The following ASPH variants were observed in gnomAD, a reference collection of about 807,000 sequenced individuals.
ASPH encodes the protein aspartate beta-hydroxylase, also known as aspartyl/asparaginyl beta-hydroxylase.
Under a neutral mutation model 118.4 loss-of-function variants are expected in ASPH, and 100 were observed. That is an observed-to-expected ratio of 0.84 (90% confidence interval 0.72 to 1.00). The LOEUF (loss-of-function observed/expected upper bound fraction) is 1.00, where lower values mean the gene tolerates loss of function less well. ASPH is among the 50% of genes least tolerant of loss of function. The pLI, the probability that ASPH is intolerant of heterozygous loss-of-function variation, is 0.00. For missense variants in ASPH, 920 were observed against 919.5 expected (o/e 1.00, Z -0.01); for synonymous variants, 315 against 325.6 (o/e 0.97, Z 0.35).
chr8:61,576,803 T>G lies in ASPH; in HGVS notation c.1118A>C (p.Gln373Pro). Residue 373 changes from glutamine to proline, a missense_variant, in exon 16 of 25, where the codon CAG becomes CCG. Gln to Pro is a moderately conservative substitution (Grantham distance 76, BLOSUM62 -1). Transcript: ENST00000379454. ...CTTCCCATATCTTGCTCGTGGACTC[T>G]GAGGGTATTTGCGTACTAGTTCTTT... The part of the protein sequence containing the change: ...AFKELVRKYP[Q>P]SPRARYGKAQ... The G allele has an allele frequency of 6.2e-7, 1 of 1,610,130 alleles. No homozygotes were observed. The highest frequency in any genetic ancestry group is 1.7e-5 in the Admixed American group (1 of 59,986).
At chr8:61,655,691 CTTAT>C (rs1006503679) in intron 3 of ASPH, among the ~76,000 whole-genome samples, 2 of 152,170 alleles carry the variant, frequency 1.3e-5, no homozygotes, top group African/African-American at 4.8e-5. Context: ...CCAACTTGAA[CTTAT>C]TTGTCTCTAA....
At chr8:61,560,203 G>C (rs1829321033) in intron 18 of ASPH, among the ~76,000 whole-genome samples, 1 of 152,142 alleles carries the variant, frequency 6.6e-6, no homozygotes, top group Non-Finnish European at 1.5e-5. Flanking sequence ...GCAGTGGCGG[G>C]TGAGTCAGGA....
chr8:61,626,081 T>G, intron 13 of ASPH: 1 of 1,244,664 alleles, frequency 8.0e-7, no homozygotes, highest in Non-Finnish European at 1.0e-6. Context: ...TTTAGAAATG[T>G]GTGTTTCTAA....
intron 21 of ASPH, among the ~76,000 whole-genome samples, chr8:61,546,770 G>T (rs1214105429): frequency 6.6e-6 from 1 of 152,164 alleles, no homozygotes; most frequent in Non-Finnish European, 1.5e-5. Context: ...AATCAGTGAA[G>T]TCTTGTAAGT....
chr8:61,577,159 C>T (rs1412093023), intron 15 of ASPH, among the ~76,000 whole-genome samples: 2 of 151,796 alleles, frequency 1.3e-5, no homozygotes, highest in South Asian at 2.1e-4. Flanking sequence ...GGGAACATCA[C>T]ACACCAGGGC....
At chr8:61,706,739 G>A (rs1394990299) in intron 1 of ASPH, among the ~76,000 whole-genome samples, 1 of 152,226 alleles carries the variant, frequency 6.6e-6, no homozygotes, top group Non-Finnish European at 1.5e-5. Context: ...AGAAGGACAT[G>A]CCCTATCAGA....
chr8:61,663,581 G>C (rs1818004186), intron 3 of ASPH: 1 of 985,246 alleles, frequency 1.0e-6, no homozygotes. Context: ...TTAGTGCCCT[G>C]TATCTGCCAA....
In ASPH at chr8:61,617,547, T is replaced by C. The variant is rs551141402; in HGVS notation, c.976+1431A>G. Among the ~76,000 whole-genome samples, 6 of 152,290 alleles carry C rather than the reference T, an allele frequency of 3.9e-5. No homozygotes were observed. In the South Asian group the frequency reaches 8.3e-4, roughly 21 times the overall value. On this transcript the variant is annotated intron_variant, in intron 14 of 24. Coordinates refer to ENST00000379454, the MANE Select transcript of ASPH (RefSeq NM_004318.4). The stretch of plus-strand genomic sequence containing the variant: ...TGATCGAGCTAATCTCACCGATCTA[T>C]AAAACAGAGTCAGCCAACGGTTTCT...
At chr8:61,616,266 G>A (rs1240993555) in intron 14 of ASPH, among the ~76,000 whole-genome samples, 2 of 152,124 alleles carry the variant, frequency 1.3e-5, no homozygotes, top group East Asian at 1.9e-4. Context: ...CCTGTGCACC[G>A]AGGATACCCG....
intron 13 of ASPH, chr8:61,625,569 A>C (rs1371525617): frequency 7.9e-5 from 78 of 984,726 alleles, no homozygotes; most frequent in Non-Finnish European, 9.3e-5. Context: ...CTTGTGTCTT[A>C]ACAAGGAATT....
chr8:61,579,231 G>C, intron 15 of ASPH: 3 of 1,613,822 alleles, frequency 1.9e-6, no homozygotes, highest in Non-Finnish European at 2.5e-6. Flanking sequence ...CATTGCAGAT[G>C]CCGAGCAGCG....
At chr8:61,701,362 T>C (rs1835200695) in intron 1 of ASPH, among the ~76,000 whole-genome samples, 2 of 152,230 alleles carry the variant, frequency 1.3e-5, no homozygotes, top group African/African-American at 4.8e-5. Flanking sequence ...TCTTACTCAA[T>C]GTTACTCTAT....
chr8:61,551,669 C>CTGGA (rs1469973111), intron 20 of ASPH, among the ~76,000 whole-genome samples: 7 of 152,256 alleles, frequency 4.6e-5, no homozygotes, highest in African/African-American at 1.4e-4. Context: ...TGTCTTTGCC[C>CTGGA]TGGACTCTGA....
chr8:61,649,707 C>T (rs1809922125), intron 5 of ASPH, among the ~76,000 whole-genome samples: 1 of 151,792 alleles, frequency 6.6e-6, no homozygotes, highest in South Asian at 2.1e-4. Context: ...CCATCCCCTC[C>T]TTTGGCTGAG....
rs142915870 is a variant in ASPH at position 61,616,293 on chromosome 8, T to C, written c.976+2685A>G. Among the ~76,000 whole-genome samples, 847 of 152,202 alleles carry C rather than the reference T, an allele frequency of 5.6e-3. 3 individuals are homozygous for C. The highest frequency in any genetic ancestry group is 9.2e-3 in the Non-Finnish European group (628 of 68,004). On this transcript the variant is annotated intron_variant, in intron 14 of 24. Coordinates refer to ENST00000379454, the MANE Select transcript of ASPH (RefSeq NM_004318.4). ...GGATACCCGACAGTGCAGGGGAAGGTACGGGCTGCTAAGACTAGAATGGGA... is the reference window on the plus strand; with the variant it reads ...GGATACCCGACAGTGCAGGGGAAGGCACGGGCTGCTAAGACTAGAATGGGA...
intron 1 of ASPH, among the ~76,000 whole-genome samples, chr8:61,695,459 G>A (rs914856137): frequency 1.7e-4 from 26 of 152,114 alleles, no homozygotes; most frequent in African/African-American, 6.0e-4. Flanking sequence ...TTCCTGTCTC[G>A]GGCTCTCAGC....
chr8:61,675,419 G>A, intron 3 of ASPH: 1 of 983,966 alleles, frequency 1.0e-6, no homozygotes, highest in Non-Finnish European at 1.2e-6. Context: ...ACAGAAATAT[G>A]TCATGCTACT....
chr8:61,614,230 A>T (rs938250137), intron 14 of ASPH, among the ~76,000 whole-genome samples: 6 of 152,380 alleles, frequency 3.9e-5, no homozygotes, highest in South Asian at 4.1e-4. Context: ...ATAATTTAAT[A>T]AGATATTAAG....
At chr8:61,580,892 C>T (rs1837304801) in intron 15 of ASPH, among the ~76,000 whole-genome samples, 1 of 152,162 alleles carries the variant, frequency 6.6e-6, no homozygotes, top group African/African-American at 2.4e-5. Context: ...AATAACATAA[C>T]ATTTACAGGT....
Sources: gnomAD v4.1 joint callset for allele counts (sites outside exome capture counted in the v4.1 genomes callset) on GRCh38, gnomAD v4.1.1 for gene constraint, MANE v1.5 for transcripts, NCBI Gene and HGNC (gene_info 2026-07-23, HGNC 2026-07-21) for gene names.